Variants in UNC5D observed in about 807,000 individuals in gnomAD.
The protein encoded by UNC5D is unc-5 netrin receptor D.
A neutral mutation model predicts 105.4 loss-of-function variants in UNC5D; 39 were observed. The ratio of observed to expected loss-of-function variants is 0.37; its 90% CI spans 0.29 to 0.48. UNC5D has a LOEUF of 0.48. Among genes scored for constraint, UNC5D ranks in the 20% least tolerant of loss-of-function variants. UNC5D has a pLI of 0.98. For missense variants in UNC5D, 991 were observed against 1,202.4 expected (o/e 0.82, Z 2.60); for synonymous variants, 452 against 450.4 (o/e 1.00, Z -0.04).
intron 4 of UNC5D, among the ~76,000 whole-genome samples, chr8:35,662,814 G>C: frequency 6.6e-6 from 1 of 152,208 alleles, no homozygotes; most frequent in Non-Finnish European, 1.5e-5. Flanking sequence ...TAGGTGGCCA[G>C]TTAGGTACTG....
chr8:35,261,914 T>C (rs1249741609), intron 1 of UNC5D, among the ~76,000 whole-genome samples: 1 of 152,176 alleles, frequency 6.6e-6, no homozygotes, highest in Admixed American at 6.5e-5. Flanking sequence ...AGCAAGAATA[T>C]GTCTGATGCT....
chr8:35,322,665 C>T (rs1219648939), intron 1 of UNC5D, among the ~76,000 whole-genome samples: 3 of 152,154 alleles, frequency 2.0e-5, no homozygotes, highest in Non-Finnish European at 4.4e-5. Flanking sequence ...TCCTTATTTG[C>T]AATGCATGTT....
intron 1 of UNC5D, among the ~76,000 whole-genome samples, chr8:35,243,499 C>T (rs1233506165): frequency 6.6e-6 from 1 of 152,070 alleles, no homozygotes; most frequent in Non-Finnish European, 1.5e-5. Flanking sequence ...CCAGTTTGCC[C>T]AAAGTCAGAT....
At chr8:35,676,871 A>AG (rs1825267169) in intron 4 of UNC5D, among the ~76,000 whole-genome samples, 3 of 151,208 alleles carry the variant, frequency 2.0e-5, no homozygotes, top group South Asian at 2.1e-4. Context: ...TTTGTGGACG[A>AG]GGGGGGCAAA....
chr8:35,266,069 G>A (rs1040951710), intron 1 of UNC5D, among the ~76,000 whole-genome samples: 1 of 151,928 alleles, frequency 6.6e-6, no homozygotes, highest in Non-Finnish European at 1.5e-5. Context: ...CTTTTCAATA[G>A]TAAAAATAAG....
chr8:35,453,142 T>C (rs774247847), intron 1 of UNC5D, among the ~76,000 whole-genome samples: 23 of 152,162 alleles, frequency 1.5e-4, no homozygotes, highest in Admixed American at 9.8e-4. Flanking sequence ...ATTACTGACC[T>C]CAAATGAATG....
At chr8:35,606,457 G>A (rs960394178) in intron 4 of UNC5D, among the ~76,000 whole-genome samples, 2 of 152,158 alleles carry the variant, frequency 1.3e-5, no homozygotes, top group Non-Finnish European at 2.9e-5. Flanking sequence ...AAGAGTACAT[G>A]TGCAGGTTTA....
intron 1 of UNC5D, among the ~76,000 whole-genome samples, chr8:35,509,873 A>G (rs1470295410): frequency 6.6e-6 from 1 of 152,060 alleles, no homozygotes; most frequent in Non-Finnish European, 1.5e-5. Context: ...CTCAAGTTTG[A>G]TTAATTTGCT....
chr8:35,762,584 G>A (rs1433301774), intron 14 of UNC5D, among the ~76,000 whole-genome samples: 4 of 151,900 alleles, frequency 2.6e-5, no homozygotes, highest in Admixed American at 6.6e-5. Flanking sequence ...TGTGATTTTC[G>A]CCTCTGTAGA....
chr8:35,549,253 A>G, intron 1 of UNC5D, 39 bp from the exon 2 acceptor site: 1 of 1,601,050 alleles, frequency 6.2e-7, no homozygotes, highest in Non-Finnish European at 8.5e-7. Flanking sequence ...ATGTGCTATC[A>G]ATGTAGGCTG....
At chr8:35,464,284 G>A (rs368208314) in intron 1 of UNC5D, among the ~76,000 whole-genome samples, 27 of 152,024 alleles carry the variant, frequency 1.8e-4, no homozygotes, top group Middle Eastern at 3.4e-3. Flanking sequence ...CCAAGATTGC[G>A]CAACTGCATT....
chr8:35,641,110 G>C (rs1482594484), intron 4 of UNC5D, among the ~76,000 whole-genome samples: 1 of 151,968 alleles, frequency 6.6e-6, no homozygotes, highest in African/African-American at 2.4e-5. Context: ...ACAAAACATA[G>C]ATTAGGGTTA....
Position 35,533,820 on chromosome 8 carries a change from CCAT to C in UNC5D, c.104-15469_104-15467del, listed in dbSNP as rs1243651193. Among the ~76,000 whole-genome samples, 4 of 152,174 alleles carry C rather than the reference CCAT, an allele frequency of 2.6e-5. No individual in the cohort carries two copies. The East Asian group carries it at 7.8e-4, about 29-fold the overall frequency. On this transcript the variant is annotated intron_variant, in intron 1 of 16. Transcript: ENST00000404895. Reference sequence around the variant, plus strand: ...GAGTAACCCGATTTTCCAAGTGCGTCCATCACCCCTTTCTTTGACTCGCAAAGG... The same window carrying C: ...GAGTAACCCGATTTTCCAAGTGCGTCCACCCCTTTCTTTGACTCGCAAAGG...
At chr8:35,390,041 G>A (rs558523712) in intron 1 of UNC5D, among the ~76,000 whole-genome samples, 36 of 152,288 alleles carry the variant, frequency 2.4e-4, no homozygotes, top group African/African-American at 7.9e-4. Flanking sequence ...CCTGATGCTG[G>A]CATCAGCTCA....
At position 35,413,169 on chromosome 8, in the gene UNC5D, C is replaced by T. The variant is rs745836034; in HGVS notation, c.104-136123C>T. On this transcript the variant is annotated intron_variant, in intron 1 of 16. Transcript: ENST00000404895. ...ATTTCACTGTCTAGTCAATGCAAAA[C>T]GAATCTACATTAGCTATGTTCCATG... 3.3e-5 allele frequency among the ~76,000 whole-genome samples: 5 copies of T among 151,522 alleles called. No individual in the cohort carries two copies. The South Asian group carries it at 6.3e-4, about 19-fold the overall frequency.
intron 9 of UNC5D, among the ~76,000 whole-genome samples, chr8:35,723,220 G>A (rs1469837363): frequency 6.6e-6 from 1 of 152,150 alleles, no homozygotes; most frequent in African/African-American, 2.4e-5. Flanking sequence ...CTCAGTGCAA[G>A]GCAGTGATTG....
chr8:35,302,226 C>T (rs1450011502), intron 1 of UNC5D, among the ~76,000 whole-genome samples: 1 of 152,130 alleles, frequency 6.6e-6, no homozygotes, highest in Non-Finnish European at 1.5e-5. Context: ...ATGAGAGAAG[C>T]TCTGAGTCTC....
At chr8:35,698,395 T>A (rs985351670) in intron 7 of UNC5D, among the ~76,000 whole-genome samples, 6 of 152,116 alleles carry the variant, frequency 3.9e-5, no homozygotes, top group African/African-American at 1.4e-4. Flanking sequence ...TTTTTACCCC[T>A]TGACCATTAT....
At chr8:35,746,326 G>T (rs775060370) in intron 11 of UNC5D, among the ~76,000 whole-genome samples, 2 of 152,130 alleles carry the variant, frequency 1.3e-5, no homozygotes, top group Non-Finnish European at 2.9e-5. Flanking sequence ...ATTGTTACAG[G>T]TAGAAGGTAG....
Sources: allele counts gnomAD v4.1 joint callset (sites outside exome capture counted in the v4.1 genomes callset), GRCh38; gene constraint gnomAD v4.1.1; transcripts MANE v1.5; gene names NCBI Gene and HGNC (gene_info 2026-07-23, HGNC 2026-07-21).